The following WNT9B variants were observed in gnomAD, a reference collection of about 807,000 sequenced individuals.
WNT9B encodes the protein Wnt family member 9B.
WNT9B carries 12 observed loss-of-function variants against 30.2 expected under a neutral mutation model. The ratio of observed to expected loss-of-function variants is 0.40; its 90% CI spans 0.26 to 0.64. WNT9B has a LOEUF of 0.64. WNT9B is among the 30% of genes least tolerant of loss of function. WNT9B has a pLI of 0.42. For missense variants in WNT9B, 442 were observed against 485.2 expected (o/e 0.91, Z 0.84); for synonymous variants, 218 against 216.9 (o/e 1.01, Z -0.05).
chr17:46,874,759 G>A (rs2085314651), intron 2 of WNT9B, among the ~76,000 whole-genome samples: 1 of 152,102 alleles, frequency 6.6e-6, no homozygotes, highest in Admixed American at 6.5e-5. Flanking sequence ...TGTATTTTTA[G>A]TAGAGACGGG....
exon 5 of WNT9B, chr17:46,886,659 T>C (rs956364563): frequency 6.6e-6 from 1 of 152,218 alleles, no homozygotes; most frequent in African/African-American, 2.4e-5. Flanking sequence ...CTGGTTGGAG[T>C]TCTTTGAATA....
At chr17:46,858,937 G>T (rs1441564812) in intron 1 of WNT9B, among the ~76,000 whole-genome samples, 1 of 150,540 alleles carries the variant, frequency 6.6e-6, no homozygotes, top group Non-Finnish European at 1.5e-5. Flanking sequence ...AAACTGCTGG[G>T]ATTATTGGCA....
At chr17:46,872,843 G>C (rs1335189128) in intron 2 of WNT9B, 70 bp downstream of exon 2, 5 of 1,488,156 alleles carry the variant, frequency 3.4e-6, no homozygotes, top group African/African-American at 2.8e-5. Flanking sequence ...GGCTGGGAGA[G>C]GCTGCCCTTT....
chr17:46,862,511 G>T (rs928371597), intron 1 of WNT9B, among the ~76,000 whole-genome samples: 78 of 152,174 alleles, frequency 5.1e-4, no homozygotes, highest in Admixed American at 1.5e-3. Context: ...GTGGATAAGG[G>T]TTTGTGAATC....
At chr17:46,874,827 C>T (rs1309691406) in intron 2 of WNT9B, 2 of 584,970 alleles carry the variant, frequency 3.4e-6, no homozygotes, top group Admixed American at 2.9e-5. Flanking sequence ...ATCCGCCCGC[C>T]TTGGCCTCCT....
At position 46,872,607 on chromosome 17, in the gene WNT9B, C is replaced by A. The variant is rs200148344; in HGVS notation, c.168C>A (p.Asp56Glu). 2.5e-6 allele frequency: 4 copies of A among 1,612,700 alleles called. No individual in the cohort carries two copies. The highest frequency in any genetic ancestry group is 2.5e-6 in the Non-Finnish European group (3 of 1,179,470). Reference sequence around the variant, plus strand: ...GCGGGGCCCACCTGAAGCAGTGTGACCTGCTGAAGCTGTCCCGGCGGCAGA... The same window carrying A: ...GCGGGGCCCACCTGAAGCAGTGTGAACTGCTGAAGCTGTCCCGGCGGCAGA... ...AQGGAHLKQC[D>E]LLKLSRRQKQ... The change falls in exon 2 of 4, where the codon GAC becomes GAA. Residue 56 changes from aspartate (D) to glutamate (E), a missense_variant. Transcript: ENST00000290015.
At chr17:46,842,379 T>C (rs1341504560) in intron 1 of WNT9B, among the ~76,000 whole-genome samples, 1 of 152,116 alleles carries the variant, frequency 6.6e-6, no homozygotes, top group Non-Finnish European at 1.5e-5. Context: ...TCTTTATTTA[T>C]TTGGTTGTTT....
At position 46,876,661 on chromosome 17, in the gene WNT9B, C is replaced by T. The variant is rs776727298; in HGVS notation, c.1017C>T (p.Cys339=). The change falls in exon 4 of 4, where the codon TGC becomes TGT. Residue 339 remains cysteine (C), a synonymous_variant. Coordinates refer to ENST00000290015, the MANE Select transcript of WNT9B (RefSeq NM_003396.3). ...GCCACTGCCAGGTGCAGTGGTGCTG[C>T]TACGTGGAGTGCCAGCAATGTGTGC... ...FSCHCQVQWC[C]YVECQQCVQE... 1 of 1,598,652 alleles carries T rather than the reference C, an allele frequency of 6.3e-7. No homozygotes were observed. The highest frequency in any genetic ancestry group is 8.6e-7 in the Non-Finnish European group (1 of 1,169,498).
chr17:46,839,582 TGCA>T (rs2084675062), intron 1 of WNT9B, among the ~76,000 whole-genome samples: 1 of 152,254 alleles, frequency 6.6e-6, no homozygotes, highest in African/African-American at 2.4e-5. Context: ...GTGCACAATG[TGCA>T]GGTTTGTTAC....
rs566941373 is a variant in WNT9B, at chr17:46,857,765, G to A, written c.77+6050G>A. ...TCAGTTTTAACTTGTGGCTATTTTC[G>A]TAAGTATGTAGTAGTATCTCATTGT... On this transcript the variant is annotated intron_variant, in intron 1 of 3. Transcript: ENST00000290015. Among the ~76,000 whole-genome samples the A allele has an allele frequency of 1.8e-4, 27 of 152,240 alleles. 1 individual carries two copies. The South Asian group carries it at 4.8e-3, about 27-fold the overall frequency.
At chr17:46,839,359 T>C (rs534099132) in intron 1 of WNT9B, among the ~76,000 whole-genome samples, 14 of 152,330 alleles carry the variant, frequency 9.2e-5, no homozygotes, top group African/African-American at 3.1e-4. Flanking sequence ...TTGGCACTCT[T>C]AGCCCCTGGC....
In WNT9B at chr17:46,862,550, C is replaced by T. The variant is rs1429211219; in HGVS notation, c.78-9967C>T. Among the ~76,000 whole-genome samples the T allele has an allele frequency of 4.6e-5, 7 of 152,098 alleles. 1 individual carries two copies. The South Asian group carries it at 1.2e-3, about 27-fold the overall frequency. On this transcript the variant is annotated intron_variant, in intron 1 of 3. Coordinates refer to ENST00000290015, the MANE Select transcript of WNT9B (RefSeq NM_003396.3). Reference sequence around the variant, plus strand: ...GGCAAATTCTGAGCCCAAGTCACTGCGAGAGGTTGTGCAAGCTGAGTTTTT... The same window carrying T: ...GGCAAATTCTGAGCCCAAGTCACTGTGAGAGGTTGTGCAAGCTGAGTTTTT...
intron 1 of WNT9B, among the ~76,000 whole-genome samples, chr17:46,852,395 T>C (rs1365722289): frequency 2.7e-5 from 2 of 73,598 alleles, no homozygotes; most frequent in Admixed American, 1.5e-4. Flanking sequence ...GCCCAGTGTG[T>C]GTGTGTGTGT....
intron 1 of WNT9B, among the ~76,000 whole-genome samples, chr17:46,840,144 T>C (rs372942213): frequency 6.6e-6 from 1 of 151,660 alleles, no homozygotes; most frequent in Non-Finnish European, 1.5e-5. Context: ...TGGAGTGCAG[T>C]GGTGTGATCT....
upstream of WNT9B, among the ~76,000 whole-genome samples, chr17:46,849,829 A>G (rs2146537282): frequency 6.6e-6 from 1 of 150,878 alleles, no homozygotes; most frequent in South Asian, 2.1e-4. Flanking sequence ...AGGTGCCGGC[A>G]CCTGCTAGGC....
chr17:46,833,270 G>T, exon 1 of WNT9B: 1 of 465,362 alleles, frequency 2.1e-6, no homozygotes, highest in Non-Finnish European at 4.3e-6. Flanking sequence ...AGCTCCCTGG[G>T]TGATGGCTCC....
intron 1 of WNT9B, among the ~76,000 whole-genome samples, chr17:46,860,705 CCTT>C (rs1181333908): frequency 8.5e-5 from 13 of 152,212 alleles, no homozygotes; most frequent in East Asian, 5.8e-4. Flanking sequence ...GACATCTGTT[CCTT>C]CTTCTCTGTG....
intron 2 of WNT9B, among the ~76,000 whole-genome samples, chr17:46,873,609 A>G (rs1371017695): frequency 3.3e-5 from 5 of 152,176 alleles, no homozygotes; most frequent in Admixed American, 1.3e-4. Flanking sequence ...CTCTAATCCT[A>G]GCACTTTGGG....
downstream of WNT9B, among the ~76,000 whole-genome samples, chr17:46,881,313 T>C (rs2085419375): frequency 6.6e-6 from 1 of 152,238 alleles, no homozygotes; most frequent in South Asian, 2.1e-4. Flanking sequence ...ATGCTCCTTC[T>C]ACCCAGTGTT....
Sources: gnomAD v4.1 joint callset for allele counts (sites outside exome capture counted in the v4.1 genomes callset) on GRCh38, gnomAD v4.1.1 for gene constraint, MANE v1.5 for transcripts, NCBI Gene and HGNC (gene_info 2026-07-23, HGNC 2026-07-21) for gene names.